Variants in WWOX observed in about 807,000 individuals in gnomAD.
WWOX encodes WW domain containing oxidoreductase.
Under a neutral mutation model 46.2 loss-of-function variants are expected in WWOX, and 69 were observed. The ratio of observed to expected loss-of-function variants is 1.49; its 90% confidence interval spans 1.23 to 1.82. The LOEUF (loss-of-function observed/expected upper bound fraction) is 1.82. Ranked by LOEUF, WWOX falls within the 40% of genes most tolerant of loss-of-function variation. The pLI is 0.00. For synonymous variants in WWOX, 359 were observed against 202.6 expected, an observed-to-expected ratio of 1.77 and a Z score of -6.56; for missense variants, 919 against 542.6, an observed-to-expected ratio of 1.69 and a Z score of -6.89.
chr16:78,485,150 A>T (rs186524106), intron 8 of WWOX, among the ~76,000 whole-genome samples: 2 of 152,218 alleles, frequency 1.3e-5, no homozygotes, highest in Non-Finnish European at 2.9e-5. Context: ...TTTAAAAAAA[A>T]AAATTAATAA....
At chr16:78,922,984 CT>C (rs752169332) in intron 8 of WWOX, among the ~76,000 whole-genome samples, 4 of 141,530 alleles carry the variant, frequency 2.8e-5, no homozygotes, top group African/African-American at 1.0e-4. Context: ...TTTCTCTTTT[CT>C]TTTTTTTTTT....
At chr16:78,452,052 T>C (rs74030279) in intron 8 of WWOX, among the ~76,000 whole-genome samples, 1 of 152,202 alleles carries the variant, frequency 6.6e-6, no homozygotes, top group East Asian at 1.9e-4. Flanking sequence ...TCTCTGCATG[T>C]TCTTTCTTTA....
At chr16:78,205,088 C>G (rs565022746) in intron 5 of WWOX, among the ~76,000 whole-genome samples, 2 of 152,244 alleles carry the variant, frequency 1.3e-5, no homozygotes, top group Non-Finnish European at 2.9e-5. Context: ...TCTAGAAGCT[C>G]AAATCCAGGA....
intron 8 of WWOX, among the ~76,000 whole-genome samples, chr16:78,849,395 C>T (rs950382635): frequency 2.0e-5 from 3 of 151,482 alleles, no homozygotes; most frequent in Non-Finnish European, 2.9e-5. Context: ...CACGGTGAAA[C>T]CCCATCTCTA....
At chr16:78,561,524 G>C (rs531709936) in intron 8 of WWOX, among the ~76,000 whole-genome samples, 1 of 151,894 alleles carries the variant, frequency 6.6e-6, no homozygotes, top group Non-Finnish European at 1.5e-5. Context: ...GAATGCATGC[G>C]TACACCATGG....
chr16:78,106,272 C>A (rs2151662541), intron 1 of WWOX, among the ~76,000 whole-genome samples: 1 of 152,276 alleles, frequency 6.6e-6, no homozygotes, highest in South Asian at 2.1e-4. Context: ...TGGAAGGTTT[C>A]ATGTTATTGC....
intron 8 of WWOX, among the ~76,000 whole-genome samples, chr16:78,486,755 G>C (rs1021697187): frequency 6.6e-6 from 1 of 152,124 alleles, no homozygotes; most frequent in Non-Finnish European, 1.5e-5. Context: ...TGTATTTTCA[G>C]TTGAGATAAG....
chr16:78,866,763 C>A (rs1243058553), intron 8 of WWOX, among the ~76,000 whole-genome samples: 1 of 152,146 alleles, frequency 6.6e-6, no homozygotes, highest in Non-Finnish European at 1.5e-5. Context: ...ACGGGCTATC[C>A]AGGGAATTGG....
intron 8 of WWOX, among the ~76,000 whole-genome samples, chr16:78,778,894 A>G (rs748063520): frequency 1.3e-5 from 2 of 152,132 alleles, no homozygotes; most frequent in African/African-American, 4.8e-5. Context: ...TCATTTTCCC[A>G]TAAGGTGGTG....
chr16:78,671,639 A>C (rs571697218), intron 8 of WWOX, among the ~76,000 whole-genome samples: 2 of 152,166 alleles, frequency 1.3e-5, no homozygotes, highest in East Asian at 3.9e-4. Flanking sequence ...TCTCATTTGG[A>C]GGTGATTTTA....
chr16:78,646,968 C>T lies in WWOX; in HGVS notation c.1056+214216C>T, dbSNP rs2046859063. The stretch of plus-strand genomic sequence containing the variant: ...GCCTTGTGGAAGTGACAACTCTAGG[C>T]ACGTAACTGGCTCAGACTCTGCTGG... On this transcript the variant is annotated intron_variant, in intron 8 of 8. Transcript: ENST00000566780. 2.6e-5 allele frequency among the ~76,000 whole-genome samples: 4 copies of T among 152,258 alleles called. No homozygotes were observed. In the South Asian group the frequency reaches 8.3e-4, roughly 32 times the overall value.
At chr16:78,583,273 C>T (rs367852780) in intron 8 of WWOX, among the ~76,000 whole-genome samples, 1 of 152,176 alleles carries the variant, frequency 6.6e-6, no homozygotes, top group Non-Finnish European at 1.5e-5. Context: ...AACTGATTCT[C>T]TTGGCCCTCC....
At position 78,112,119 on chromosome 16, in the gene WWOX, C is replaced by G. The variant is rs562814798; in HGVS notation, c.230+2284C>G. On this transcript the variant is annotated intron_variant, in intron 3 of 8. Transcript: ENST00000566780. ...TATTACAATCCCTCGTCTCTGCACA[C>G]GGGGAGAACACCCGCTAAGCCCAGT... 4 of 152,324 alleles carry G rather than the reference C, an allele frequency of 2.6e-5. No homozygotes were observed. In the South Asian group the frequency reaches 8.3e-4, roughly 31 times the overall value. 9.4% of individuals were successfully genotyped at this position (152,324 alleles called of 1,614,324 possible). A position where few individuals can be genotyped will look rare whatever the true frequency, so the allele number is the denominator to read the frequency against.
At chr16:78,123,218 C>G (rs2033181234) in intron 4 of WWOX, 1 of 151,936 alleles carries the variant, frequency 6.6e-6, no homozygotes, top group South Asian at 2.1e-4. Flanking sequence ...AAGGGATCCA[C>G]TTAATAAAAA....
chr16:78,872,445 C>G (rs2044148407), intron 8 of WWOX, among the ~76,000 whole-genome samples: 1 of 152,136 alleles, frequency 6.6e-6, no homozygotes, highest in Non-Finnish European at 1.5e-5. Context: ...AAATGCCAGG[C>G]TGAGAGATGA....
chr16:78,494,361 A>C (rs1272406158), intron 8 of WWOX, among the ~76,000 whole-genome samples: 1 of 152,194 alleles, frequency 6.6e-6, no homozygotes, highest in African/African-American at 2.4e-5. Flanking sequence ...GGGGACACAG[A>C]GCCAAACCAC....
rs1057078373 is a variant in WWOX at position 78,893,214 on chromosome 16, G to T, written c.1057-318394G>T. Among the ~76,000 whole-genome samples, 7 of 151,960 alleles carry T rather than the reference G, an allele frequency of 4.6e-5. No individual in the cohort carries two copies. In the East Asian group the frequency reaches 7.8e-4, roughly 17 times the overall value. ...GCTAGAAAAAAAAAAAAGTGGGGATGCCCCTCTTGACCATCTTATGCCTGA... is the reference window on the plus strand; with the variant it reads ...GCTAGAAAAAAAAAAAAGTGGGGATTCCCCTCTTGACCATCTTATGCCTGA... On this transcript the variant is annotated intron_variant, in intron 8 of 8. Transcript: ENST00000566780.
intron 8 of WWOX, among the ~76,000 whole-genome samples, chr16:79,120,589 C>G (rs760837678): frequency 2.0e-5 from 3 of 152,074 alleles, no homozygotes; most frequent in Admixed American, 1.3e-4. Flanking sequence ...GTGTTGGAGC[C>G]CAGACGTCTG....
intron 8 of WWOX, among the ~76,000 whole-genome samples, chr16:78,464,857 C>G (rs1038969121): frequency 6.6e-6 from 1 of 152,150 alleles, no homozygotes; most frequent in Non-Finnish European, 1.5e-5. Flanking sequence ...AAACATATTA[C>G]TCCATTCCCA....
Sources: allele counts gnomAD v4.1 joint callset (sites outside exome capture counted in the v4.1 genomes callset), GRCh38; gene constraint gnomAD v4.1.1; transcripts MANE v1.5; gene names NCBI Gene and HGNC (gene_info 2026-07-23, HGNC 2026-07-21).